The following CADPS2 variants were observed in gnomAD, a reference collection of about 807,000 sequenced individuals.
The protein encoded by CADPS2 is calcium-dependent secretion activator 2.
CADPS2 carries 93 observed loss-of-function variants against 172.5 expected under a neutral mutation model. The observed-to-expected ratio is 0.54, with a 90% confidence interval of 0.46 to 0.64. The LOEUF (loss-of-function observed/expected upper bound fraction) is 0.64. Among genes scored for constraint, CADPS2 ranks in the 30% least tolerant of loss-of-function variants. The probability of loss-of-function intolerance (pLI) is 0.00; values close to 1 mark genes in which losing one functional copy is unlikely to be tolerated. For synonymous variants in CADPS2, 546 were observed against 555.2 expected (o/e 0.98, Z 0.23); for missense variants, 1,420 against 1,565.9 (o/e 0.91, Z 1.57).
At chr7:122,577,382 T>C (rs1416215395) in intron 7 of CADPS2, among the ~76,000 whole-genome samples, 3 of 152,170 alleles carry the variant, frequency 2.0e-5, no homozygotes, top group Admixed American at 6.6e-5. Context: ...CTCGCAACTG[T>C]TGTCTACCCC....
In CADPS2 at chr7:122,681,402, G is replaced by C. The variant is rs1005014505; in HGVS notation, c.454-17833C>G. 5.3e-6 allele frequency: 8 copies of C among 1,505,580 alleles called. No homozygotes were observed. In the East Asian group the frequency reaches 1.8e-4, roughly 34 times the overall value. The allele number at this position is 1,505,580 out of a possible 1,614,324, so 93.3% of individuals were successfully genotyped here. Reference sequence around the variant, plus strand: ...TCGCTGTACTAACTGTGCCCGATGCGTGCCCAAGGACAAGGCCATTAAGAA... The same window carrying C: ...TCGCTGTACTAACTGTGCCCGATGCCTGCCCAAGGACAAGGCCATTAAGAA... On this transcript the variant is annotated intron_variant, in intron 2 of 29. Coordinates refer to ENST00000449022, the MANE Select transcript of CADPS2 (RefSeq NM_017954.11).
intron 1 of CADPS2, among the ~76,000 whole-genome samples, chr7:122,863,415 A>C (rs1379620157): frequency 6.6e-6 from 1 of 152,184 alleles, no homozygotes; most frequent in African/African-American, 2.4e-5. Context: ...GAATTTCTAG[A>C]ATCCCTAGAC....
intron 2 of CADPS2, among the ~76,000 whole-genome samples, chr7:122,726,336 T>C (rs1358568315): frequency 6.6e-6 from 1 of 152,038 alleles, no homozygotes; most frequent in Non-Finnish European, 1.5e-5. Context: ...AGACGAACAA[T>C]GACTGTCTTA....
chr7:122,709,839 T>C (rs2088380077), intron 2 of CADPS2, among the ~76,000 whole-genome samples: 1 of 151,558 alleles, frequency 6.6e-6, no homozygotes, highest in South Asian at 2.1e-4. Context: ...TTCTCACTCA[T>C]AGATGGGAAT....
chr7:122,393,102 C>T (rs2151490500), intron 22 of CADPS2, 94 bp downstream of exon 22: 1 of 1,351,872 alleles, frequency 7.4e-7, no homozygotes, highest in South Asian at 1.7e-5. Context: ...CCAACGATGA[C>T]AAATGCCATG....
chr7:122,854,335 C>T (rs762481883), intron 1 of CADPS2, among the ~76,000 whole-genome samples: 5 of 152,022 alleles, frequency 3.3e-5, no homozygotes, highest in Non-Finnish European at 5.9e-5. Context: ...CATGCCGCTG[C>T]GCTCCAGCCT....
chr7:122,635,792 G>A (rs1041350094), intron 3 of CADPS2, among the ~76,000 whole-genome samples: 1 of 152,154 alleles, frequency 6.6e-6, no homozygotes. Context: ...TCCAGTGTTG[G>A]ATGTGTATAT....
chr7:122,325,666 A>AG (rs2033690932), intron 28 of CADPS2, 85 bp from the exon 29 acceptor site: 1 of 774,852 alleles, frequency 1.3e-6, no homozygotes, highest in African/African-American at 1.7e-5. Flanking sequence ...TTCGATAATG[A>AG]GGGGGTAATA....
At chr7:122,406,338 A>G (rs2046636261) in intron 20 of CADPS2, among the ~76,000 whole-genome samples, 1 of 152,220 alleles carries the variant, frequency 6.6e-6, no homozygotes, top group African/African-American at 2.4e-5. Context: ...GCCTTCTGGG[A>G]TGAGAGCAGC....
chr7:122,820,556 GTT>G (rs551121404), intron 1 of CADPS2, among the ~76,000 whole-genome samples: 1 of 86,522 alleles, frequency 1.2e-5, no homozygotes, highest in African/African-American at 5.1e-5. Context: ...TTTGTTTTTT[GTT>G]TTTTTTTTTT....
At chr7:122,432,565 C>T (rs1478346666) in intron 17 of CADPS2, among the ~76,000 whole-genome samples, 1 of 148,206 alleles carries the variant, frequency 6.7e-6, no homozygotes, top group East Asian at 2.0e-4. Context: ...CACTTGAACT[C>T]GGGAGGCGGA....
chr7:122,705,674 TATATA>T (rs1173474873), intron 2 of CADPS2, among the ~76,000 whole-genome samples: 10,207 of 84,662 alleles, frequency 0.12, 1,055 homozygotes, highest in African/African-American at 0.14. Flanking sequence ...TATAATATAT[TATATA>T]ATATATCACA....
rs1464677780 is a variant in CADPS2 at position 122,513,329 on chromosome 7, C to T, written c.1476-14G>A. On this transcript the variant is annotated splice_polypyrimidine_tract_variant and intron_variant, in intron 8 of 29. Coordinates refer to ENST00000449022, the MANE Select transcript of CADPS2 (RefSeq NM_017954.11). ...GCATACAGATATCTGGAAAGAAAAACAAAAGCCAAAGAATACTTCAGATGA... is the reference window on the plus strand; with the variant it reads ...GCATACAGATATCTGGAAAGAAAAATAAAAGCCAAAGAATACTTCAGATGA... The T allele has an allele frequency of 2.6e-6, 4 of 1,535,566 alleles. No homozygotes were observed. The highest frequency in any genetic ancestry group is 2.7e-6 in the Non-Finnish European group (3 of 1,131,798).
At chr7:122,621,780 A>T (rs1587902764) in intron 4 of CADPS2, 63 bp from the exon 5 acceptor site, 7 of 864,726 alleles carry the variant, frequency 8.1e-6, no homozygotes, top group Admixed American at 2.6e-5. Context: ...ATCATACAAA[A>T]TTGTATGATA....
At chr7:122,708,752 T>C (rs2088102805) in intron 2 of CADPS2, among the ~76,000 whole-genome samples, 1 of 151,704 alleles carries the variant, frequency 6.6e-6, no homozygotes, top group Non-Finnish European at 1.5e-5. Context: ...AACAATAAAT[T>C]GAAAACAATT....
intron 3 of CADPS2, among the ~76,000 whole-genome samples, chr7:122,649,857 T>C (rs1167565842): frequency 6.6e-6 from 1 of 150,708 alleles, no homozygotes; most frequent in Non-Finnish European, 1.5e-5. Context: ...GTATTTTCAC[T>C]GCTTAACCTA....
chr7:122,481,162 CTTTTTTTTTT>C (rs35352953), intron 11 of CADPS2, among the ~76,000 whole-genome samples: 1 of 107,546 alleles, frequency 9.3e-6, no homozygotes, highest in Non-Finnish European at 1.8e-5. Flanking sequence ...TTTCTTCATT[CTTTTTTTTTT>C]TTTTTTTTTT....
chr7:122,746,725 G>A (rs1316674387), intron 1 of CADPS2, among the ~76,000 whole-genome samples: 1 of 151,964 alleles, frequency 6.6e-6, no homozygotes, highest in African/African-American at 2.4e-5. Flanking sequence ...GGCTGCATAC[G>A]ACCTGTGGGC....
At chr7:122,705,627 T>C (rs2086932181) in intron 2 of CADPS2, among the ~76,000 whole-genome samples, 1 of 105,088 alleles carries the variant, frequency 9.5e-6, no homozygotes, top group African/African-American at 4.0e-5. Context: ...ATATATATTA[T>C]ATATGATATA....
Sources: allele counts gnomAD v4.1 joint callset (sites outside exome capture counted in the v4.1 genomes callset), GRCh38; gene constraint gnomAD v4.1.1; transcripts MANE v1.5; gene names NCBI Gene and HGNC (gene_info 2026-07-23, HGNC 2026-07-21).